The following CPNE4 variants were observed in gnomAD, a reference collection of about 807,000 sequenced individuals.
CPNE4 encodes copine-4.
Under a neutral mutation model 67.9 loss-of-function variants are expected in CPNE4, and 25 were observed. The observed-to-expected ratio is 0.37, with a 90% CI of 0.27 to 0.51. CPNE4 has a LOEUF of 0.51. Among genes scored for constraint, CPNE4 ranks in the 20% least tolerant of loss-of-function variants. CPNE4 has a pLI of 0.93. For missense variants in CPNE4, 464 were observed against 690.8 expected (o/e 0.67, Z 3.68); for synonymous variants, 242 against 244.9 (o/e 0.99, Z 0.11).
chr3:132,035,137 G>T, upstream of CPNE4: 1 of 875,784 alleles, frequency 1.1e-6, no homozygotes, highest in Non-Finnish European at 1.4e-6. Flanking sequence ...CCCCGCCCAG[G>T]CCTTGGCGGC....
chr3:132,002,701 TA>T (rs1560768128), intron 1 of CPNE4, among the ~76,000 whole-genome samples: 1 of 151,992 alleles, frequency 6.6e-6, no homozygotes, highest in Admixed American at 6.6e-5. Context: ...GTTCTTGGTA[TA>T]AAAAGCAAAA....
At chr3:131,566,328 A>G (rs551707498) in intron 10 of CPNE4, among the ~76,000 whole-genome samples, 6 of 151,932 alleles carry the variant, frequency 3.9e-5, no homozygotes, top group African/African-American at 7.2e-5. Flanking sequence ...CACAATAGTG[A>G]GATGATTGTT....
chr3:131,880,317 A>G (rs2087625032), intron 2 of CPNE4, among the ~76,000 whole-genome samples: 1 of 151,894 alleles, frequency 6.6e-6, no homozygotes, highest in Non-Finnish European at 1.5e-5. Flanking sequence ...GGTTTTCACC[A>G]TGTTAGCCAG....
chr3:131,909,528 T>C (rs1368263276), intron 1 of CPNE4, among the ~76,000 whole-genome samples: 2 of 152,174 alleles, frequency 1.3e-5, no homozygotes, highest in Non-Finnish European at 2.9e-5. Flanking sequence ...TTTCAGATGA[T>C]GATATTTAGT....
At chr3:131,624,038 T>A (rs980239345) in intron 7 of CPNE4, among the ~76,000 whole-genome samples, 1 of 152,198 alleles carries the variant, frequency 6.6e-6, no homozygotes, top group Admixed American at 6.5e-5. Context: ...GGGCTGACCC[T>A]TCTCACCATC....
intron 2 of CPNE4, among the ~76,000 whole-genome samples, chr3:131,803,825 A>G (rs889540296): frequency 6.6e-6 from 1 of 152,232 alleles, no homozygotes; most frequent in African/African-American, 2.4e-5. Flanking sequence ...AATTGCTGGA[A>G]CATTAAGCAG....
intron 4 of CPNE4, among the ~76,000 whole-genome samples, chr3:131,699,481 A>C (rs532790646): frequency 6.6e-6 from 1 of 152,248 alleles, no homozygotes; most frequent in Non-Finnish European, 1.5e-5. Flanking sequence ...GAAACAAACC[A>C]AACCTTGAAG....
intron 7 of CPNE4, among the ~76,000 whole-genome samples, chr3:131,642,799 C>T (rs575884016): frequency 3.5e-4 from 53 of 152,302 alleles, no homozygotes; most frequent in African/African-American, 1.1e-3. Context: ...TTGTAAGTTT[C>T]CTGAGGCCTC....
rs1408160644 is a variant in CPNE4 at position 131,647,769 on chromosome 3, G to T, written c.681+21906C>A. 5.3e-5 allele frequency among the ~76,000 whole-genome samples: 8 copies of T among 152,244 alleles called. No individual in the cohort carries two copies. The South Asian group carries it at 1.7e-3, about 32-fold the overall frequency. On this transcript the variant is annotated intron_variant, in intron 7 of 15. Coordinates refer to ENST00000429747, the MANE Select transcript of CPNE4 (RefSeq NM_130808.3). ...AAAATAGAAACTGGAGAGGAATTTT[G>T]ATTCTCTACTTTCCCTTTTACCCTT...
rs978195142 is a variant in CPNE4, at chr3:131,724,796, G to T, written c.181-1171C>A. Among the ~76,000 whole-genome samples, 6 of 152,062 alleles carry T rather than the reference G, an allele frequency of 3.9e-5. No homozygotes were observed. The South Asian group carries it at 8.3e-4, about 21-fold the overall frequency. On this transcript the variant is annotated intron_variant, in intron 2 of 15. Coordinates refer to ENST00000429747, the MANE Select transcript of CPNE4 (RefSeq NM_130808.3). The stretch of plus-strand genomic sequence containing the variant: ...GGCTCTTTTAACCCTGCCCATTCCC[G>T]TGTACAGAGTTTAGTCCTTTAGGTT...
At chr3:131,716,119 C>A (rs999303872) in intron 3 of CPNE4, among the ~76,000 whole-genome samples, 2 of 152,116 alleles carry the variant, frequency 1.3e-5, no homozygotes, top group African/African-American at 2.4e-5. Flanking sequence ...ATGACCAATG[C>A]CAGTTTCTAG....
intron 2 of CPNE4, among the ~76,000 whole-genome samples, chr3:131,789,881 C>T (rs575676511): frequency 1.3e-5 from 2 of 152,192 alleles, no homozygotes; most frequent in South Asian, 4.1e-4. Flanking sequence ...AAAGAAGGAG[C>T]CCTACATCTA....
chr3:132,026,327 G>A (rs774574428), intron 1 of CPNE4, among the ~76,000 whole-genome samples: 26 of 152,156 alleles, frequency 1.7e-4, no homozygotes, highest in Non-Finnish European at 3.7e-4. Flanking sequence ...CTACAGACAT[G>A]GTCATATCTA....
intron 2 of CPNE4, among the ~76,000 whole-genome samples, chr3:131,729,036 C>T (rs1046362120): frequency 2.0e-5 from 3 of 151,924 alleles, no homozygotes; most frequent in East Asian, 1.9e-4. Context: ...GGCAAAGTTG[C>T]GGGAGAGGTG....
At chr3:131,970,200 T>C (rs1443158294) in intron 1 of CPNE4, among the ~76,000 whole-genome samples, 6 of 152,196 alleles carry the variant, frequency 3.9e-5, no homozygotes, top group Non-Finnish European at 8.8e-5. Context: ...GAATCACATG[T>C]TGAGATGAAG....
intron 2 of CPNE4, among the ~76,000 whole-genome samples, chr3:131,774,235 C>A (rs1035878530): frequency 6.6e-6 from 1 of 151,734 alleles, no homozygotes; most frequent in South Asian, 2.1e-4. Flanking sequence ...TTGTCAGTGA[C>A]TGATTTAGAG....
chr3:131,885,116 T>C (rs933867526), intron 2 of CPNE4, among the ~76,000 whole-genome samples: 1 of 152,174 alleles, frequency 6.6e-6, no homozygotes, highest in African/African-American at 2.4e-5. Context: ...TCTAGAGACT[T>C]GTTGAATGGC....
intron 1 of CPNE4, among the ~76,000 whole-genome samples, chr3:131,932,112 A>T (rs2071080183): frequency 6.6e-6 from 1 of 152,220 alleles, no homozygotes; most frequent in Admixed American, 6.5e-5. Flanking sequence ...AATATCAGAA[A>T]GATCTCACAT....
At chr3:131,763,073 C>A (rs1257720403) in intron 2 of CPNE4, among the ~76,000 whole-genome samples, 3 of 151,958 alleles carry the variant, frequency 2.0e-5, no homozygotes, top group Non-Finnish European at 4.4e-5. Flanking sequence ...ATCTAGGATA[C>A]CTTCCAGATA....
Sources: gnomAD v4.1 joint callset for allele counts (sites outside exome capture counted in the v4.1 genomes callset) on GRCh38, gnomAD v4.1.1 for gene constraint, MANE v1.5 for transcripts, NCBI Gene and HGNC (gene_info 2026-07-23, HGNC 2026-07-21) for gene names.